The following OCA2 variants were observed in gnomAD, a reference collection of about 807,000 sequenced individuals.
OCA2 encodes OCA2 melanosomal transmembrane protein.
Under a neutral mutation model 100.2 loss-of-function variants are expected in OCA2, and 77 were observed. The observed-to-expected ratio is 0.77, with a 90% CI of 0.64 to 0.93. The LOEUF is 0.93. Ranked by LOEUF, OCA2 falls within the 40% of genes least tolerant of loss-of-function variation. The pLI is 0.00. For synonymous variants in OCA2, 432 were observed against 439.2 expected, an observed-to-expected ratio of 0.98 and a Z score of 0.21; for missense variants, 1,062 against 1,089.1, an observed-to-expected ratio of 0.98 and a Z score of 0.35.
chr15:27,897,193 A>G lies in OCA2; in HGVS notation c.2080-25271T>C, dbSNP rs890092778. On this transcript the variant is annotated intron_variant, in intron 19 of 23. Coordinates refer to ENST00000354638, the MANE Select transcript of OCA2 (RefSeq NM_000275.3). ...CGACAGAGCAAGACTCCGTCTCAAA[A>G]AAAAAAAAAAAGAAATCTTCTTGGC... 5.4e-4 allele frequency among the ~76,000 whole-genome samples: 82 copies of G among 151,706 alleles called. 1 individual carries two copies. Among genetic ancestry groups the G allele is most frequent in the African/African-American group, 1.7e-3 (71 of 41,430 alleles).
chr15:27,759,439 T>C lies in OCA2; in HGVS notation c.2433-3967A>G, dbSNP rs371074487. Reference sequence around the variant, plus strand: ...TGAGTTTTTAAATTATGTTTGATGGTTGAAACAAAATAAATAGCAAAATAG... The same window carrying C: ...TGAGTTTTTAAATTATGTTTGATGGCTGAAACAAAATAAATAGCAAAATAG... On this transcript the variant is annotated intron_variant, in intron 23 of 23. Coordinates refer to ENST00000354638, the MANE Select transcript of OCA2 (RefSeq NM_000275.3). 2.0e-5 allele frequency among the ~76,000 whole-genome samples: 3 copies of C among 151,516 alleles called. No individual in the cohort carries two copies. The East Asian group carries it at 5.8e-4, about 30-fold the overall frequency.
Position 27,913,899 on chromosome 15 carries a change from GCAAGCAAGCAAGCAA to G in OCA2, c.2079+12213_2079+12227del, listed in dbSNP as rs1567098740. Reference sequence around the variant, plus strand: ...AGAAAGAAAGAAAGAAAGAAAGCAAGCAAGCAAGCAAGCAAGCAAGCAAGCAAGCAAGAAAGAAAG... The same window carrying G: ...AGAAAGAAAGAAAGAAAGAAAGCAAGGCAAGCAAGCAAGCAAGAAAGAAAG... On this transcript the variant is annotated intron_variant, in intron 19 of 23. Transcript: ENST00000354638. 1.9e-3 allele frequency among the ~76,000 whole-genome samples: 61 copies of G among 32,822 alleles called. 6 individuals are homozygous for G. The highest frequency in any genetic ancestry group is 0.018 in the East Asian group (6 of 342). 21.5% of individuals were successfully genotyped at this position (32,822 alleles called of 152,430 possible). A position where few individuals can be genotyped will look rare whatever the true frequency, so the allele number is the denominator to read the frequency against.
chr15:27,721,494 A>T, the OCA2 span, among the ~76,000 whole-genome samples: 2 of 152,252 alleles, frequency 1.3e-5, no homozygotes, highest in Non-Finnish European at 2.9e-5. Context: ...GAATTATATC[A>T]TAGAAGAAAA....
intron 23 of OCA2, among the ~76,000 whole-genome samples, chr15:27,756,022 G>A (rs2030336978): frequency 6.6e-6 from 1 of 152,130 alleles, no homozygotes; most frequent in African/African-American, 2.4e-5. Context: ...GGACAAGGAG[G>A]GTATGCACAG....
intron 1 of OCA2, among the ~76,000 whole-genome samples, chr15:28,094,854 G>C (rs2044941847): frequency 1.3e-5 from 2 of 152,196 alleles, no homozygotes; most frequent in African/African-American, 4.8e-5. Context: ...TCCCGCAGCC[G>C]TGCCCAGGGC....
intron 23 of OCA2, among the ~76,000 whole-genome samples, chr15:27,791,811 A>T (rs1317853013): frequency 6.6e-6 from 1 of 152,220 alleles, no homozygotes; most frequent in East Asian, 1.9e-4. Flanking sequence ...GAAAACACAG[A>T]AAAGAAAAAG....
intron 1 of OCA2, among the ~76,000 whole-genome samples, chr15:28,096,372 G>A (rs1276723369): frequency 1.3e-5 from 2 of 152,326 alleles, no homozygotes; most frequent in South Asian, 4.1e-4. Context: ...ACTGTGAGCC[G>A]GAGGCGTAGC....
chr15:27,730,733 A>ATATATT, the OCA2 span, among the ~76,000 whole-genome samples: 2 of 332 alleles, frequency 6.0e-3, no homozygotes, highest in African/African-American at 0.016. Context: ...AAAAGACCAA[A>ATATATT]TATATATATA....
At chr15:27,883,371 C>T (rs1039273124) in intron 19 of OCA2, among the ~76,000 whole-genome samples, 8 of 152,132 alleles carry the variant, frequency 5.3e-5, no homozygotes, top group Non-Finnish European at 7.3e-5. Context: ...CAGAGGGAGG[C>T]GTGAGCTTTA....
rs1305717413 is a variant in OCA2, at chr15:28,031,936, A to G, written c.326+129T>C. On this transcript the variant is annotated intron_variant, in intron 3 of 23. Transcript: ENST00000354638. ...ACCGGAATCATGAACATCTACTACA[A>G]TAAATTGTCAAGGATCTGGCAGAGG... 3 of 767,414 alleles carry G rather than the reference A, an allele frequency of 3.9e-6. No individual in the cohort carries two copies. The Admixed American group carries it at 5.4e-5, about 14-fold the overall frequency. The allele number at this position is 767,414 out of a possible 1,614,324, so 47.5% of individuals were successfully genotyped here.
chr15:27,826,576 CTT>C, intron 23 of OCA2, among the ~76,000 whole-genome samples: 1 of 152,310 alleles, frequency 6.6e-6, no homozygotes, highest in South Asian at 2.1e-4. Flanking sequence ...TGTGGTGACT[CTT>C]AGCACACCGA....
chr15:27,745,300 G>C, the OCA2 span, among the ~76,000 whole-genome samples: 1 of 152,176 alleles, frequency 6.6e-6, no homozygotes, highest in Non-Finnish European at 1.5e-5. Flanking sequence ...GATGTGCTCT[G>C]TTACAAGGGT....
rs561399705 is a variant in OCA2 at position 28,095,751 on chromosome 15, C to T, written c.-22+3473G>A. ...AAAAAAGAACATTGTTCTTCGAGTT[C>T]TTTAAATATCTGACATAATACCGGC... On this transcript the variant is annotated intron_variant, in intron 1 of 23. Coordinates refer to ENST00000354638, the MANE Select transcript of OCA2 (RefSeq NM_000275.3). 2.0e-4 allele frequency among the ~76,000 whole-genome samples: 30 copies of T among 151,918 alleles called. No individual in the cohort carries two copies. In the South Asian group the frequency reaches 5.2e-3, roughly 26 times the overall value.
chr15:27,886,807 C>A (rs555769303), intron 19 of OCA2, among the ~76,000 whole-genome samples: 2 of 152,248 alleles, frequency 1.3e-5, no homozygotes, highest in South Asian at 4.1e-4. Context: ...CTGCCAAGCA[C>A]ACCTATAAAC....
intron 23 of OCA2, among the ~76,000 whole-genome samples, chr15:27,819,516 C>T (rs1041327667): frequency 6.6e-6 from 1 of 152,186 alleles, no homozygotes; most frequent in African/African-American, 2.4e-5. Context: ...AATTCTGAAA[C>T]TGATATACAT....
At chr15:27,792,208 T>C (rs552438033) in intron 23 of OCA2, among the ~76,000 whole-genome samples, 71 of 152,270 alleles carry the variant, frequency 4.7e-4, no homozygotes, top group African/African-American at 1.7e-3. Flanking sequence ...CTCCTTTCCT[T>C]TCTTTTCTTT....
intron 15 of OCA2, among the ~76,000 whole-genome samples, 167 bp downstream of exon 15, chr15:27,966,523 T>C (rs896543325): frequency 1.3e-5 from 2 of 152,184 alleles, no homozygotes; most frequent in East Asian, 3.9e-4. Flanking sequence ...CAGCTCATGA[T>C]AGCAGCCCTG....
rs1279769094 is a variant in OCA2 at position 27,920,801 on chromosome 15, TTTGAGATGACATAAAA to T, written c.2079+5310_2079+5325del. Among the ~76,000 whole-genome samples, 4 of 151,964 alleles carry T rather than the reference TTTGAGATGACATAAAA, an allele frequency of 2.6e-5. 1 individual carries two copies. The highest frequency in any genetic ancestry group is 6.4e-3 in the Middle Eastern group (2 of 314). ...CTTACATGAGGGACTCAATATAATA[TTTGAGATGACATAAAA>T]TTGAGATGACATAAAAATTACTCAT... On this transcript the variant is annotated intron_variant, in intron 19 of 23. Transcript: ENST00000354638.
intron 23 of OCA2, among the ~76,000 whole-genome samples, chr15:27,831,027 C>G (rs2034928393): frequency 6.6e-6 from 1 of 152,148 alleles, no homozygotes; most frequent in Admixed American, 6.5e-5. Flanking sequence ...TGAGCTCACG[C>G]CTGTAATTTC....
Sources: gnomAD v4.1 joint callset for allele counts (sites outside exome capture counted in the v4.1 genomes callset) on GRCh38, gnomAD v4.1.1 for gene constraint, MANE v1.5 for transcripts, NCBI Gene and HGNC (gene_info 2026-07-23, HGNC 2026-07-21) for gene names.